EYS: variants seen among roughly 807,000 people sequenced by gnomAD.
EYS encodes the protein protein eyes shut homolog.
A neutral mutation model predicts 282.1 loss-of-function variants in EYS; 250 were observed. That is an observed-to-expected ratio of 0.89 (90% CI 0.80 to 0.98). The LOEUF is 0.98. Ranked by LOEUF, EYS falls within the 50% of genes least tolerant of loss-of-function variation. EYS has a pLI of 0.00. For synonymous variants in EYS, 1,355 were observed against 1,282.9 expected (o/e 1.06, Z -1.20); for missense variants, 4,016 against 3,709.0 (o/e 1.08, Z -2.15).
chr6:64,384,964 G>A (rs1277882781), intron 29 of EYS, among the ~76,000 whole-genome samples: 2 of 152,168 alleles, frequency 1.3e-5, no homozygotes, highest in Non-Finnish European at 2.9e-5. Flanking sequence ...ACTTAGGGGT[G>A]AGAGCATAAA....
At chr6:64,490,417 T>C (rs1420536448) in intron 26 of EYS, among the ~76,000 whole-genome samples, 1 of 150,966 alleles carries the variant, frequency 6.6e-6, no homozygotes, top group East Asian at 1.9e-4. Context: ...GTCATACAAA[T>C]CAATATTTTA....
At chr6:63,955,118 A>G (rs1004882357) in intron 35 of EYS, among the ~76,000 whole-genome samples, 15 of 152,168 alleles carry the variant, frequency 9.9e-5, no homozygotes, top group African/African-American at 3.1e-4. Context: ...GGCCTTTCCC[A>G]CAGGGTCTGA....
intron 2 of EYS, among the ~76,000 whole-genome samples, chr6:65,537,279 T>C (rs62407707): frequency 0.053 from 8,094 of 152,180 alleles, 303 homozygotes; most frequent in East Asian, 0.15. Flanking sequence ...CAAACCAACA[T>C]GGCACATGTA....
At chr6:65,456,788 G>T (rs1262795359) in intron 5 of EYS, among the ~76,000 whole-genome samples, 1 of 151,618 alleles carries the variant, frequency 6.6e-6, no homozygotes, top group Non-Finnish European at 1.5e-5. Context: ...TTTCTATTCA[G>T]CATAGTACTG....
At chr6:64,176,696 C>T (rs533175124) in intron 31 of EYS, among the ~76,000 whole-genome samples, 40 of 152,112 alleles carry the variant, frequency 2.6e-4, no homozygotes, top group African/African-American at 9.4e-4. Flanking sequence ...ATGTCGGTGC[C>T]TTTAAATATG....
At chr6:65,334,390 T>C (rs1191652677) in intron 11 of EYS, among the ~76,000 whole-genome samples, 3 of 151,702 alleles carry the variant, frequency 2.0e-5, no homozygotes, top group Non-Finnish European at 2.9e-5. Context: ...GCCTCCCAAG[T>C]AGCTAGGGCT....
chr6:65,345,129 T>G (rs755422643), intron 9 of EYS, among the ~76,000 whole-genome samples: 5 of 151,656 alleles, frequency 3.3e-5, no homozygotes, highest in Non-Finnish European at 7.4e-5. Flanking sequence ...CCAAGAAATC[T>G]CACATATTAC....
rs886061678 is a variant in EYS, at chr6:64,593,304, G to A, written c.3690C>T (p.Cys1230=). Residue 1230 remains cysteine, a synonymous_variant, in exon 25 of 43, where the codon TGC becomes TGT. Transcript: ENST00000503581. The part of the protein sequence containing the change: ...TCLCTPGFMT[C]SIGLLCGDEI... Reference sequence around the variant, plus strand: ...CATCACCACAAAGAAGCCCAATGGAGCAGGTCTGCAAATGACAATTACAGT... The same window carrying A: ...CATCACCACAAAGAAGCCCAATGGAACAGGTCTGCAAATGACAATTACAGT... 6.5e-7 allele frequency: 1 copy of A among 1,548,010 alleles called. No individual in the cohort carries two copies. The highest frequency in any genetic ancestry group is 8.7e-7 in the Non-Finnish European group (1 of 1,144,968).
At chr6:64,212,464 A>G (rs1389534694) in intron 31 of EYS, among the ~76,000 whole-genome samples, 1 of 152,122 alleles carries the variant, frequency 6.6e-6, no homozygotes, top group African/African-American at 2.4e-5. Flanking sequence ...TATTAAAAAT[A>G]CACTTGTATT....
intron 2 of EYS, among the ~76,000 whole-genome samples, chr6:65,623,407 T>C (rs1766590847): frequency 6.6e-6 from 1 of 152,214 alleles, no homozygotes; most frequent in Non-Finnish European, 1.5e-5. Flanking sequence ...TACATTAAAA[T>C]TTAATGCAGA....
intron 31 of EYS, among the ~76,000 whole-genome samples, chr6:64,165,653 A>G (rs1053751258): frequency 1.3e-5 from 2 of 152,140 alleles, no homozygotes; most frequent in African/African-American, 4.8e-5. Flanking sequence ...GGCTTTCACA[A>G]GTATTGGCAA....
rs377505563 is a variant in EYS at position 65,388,742 on chromosome 6, T to C, written c.1185-4242A>G. On this transcript the variant is annotated intron_variant, in intron 7 of 42. Transcript: ENST00000503581. ...ATGCACGGGAACCCCCTGAATGGCA[T>C]TGGCAGAGGAATAACATGATTTTAA... Among the ~76,000 whole-genome samples the C allele has an allele frequency of 3.9e-4, 60 of 152,176 alleles. 1 individual carries two copies. The highest frequency in any genetic ancestry group is 1.4e-3 in the African/African-American group (58 of 41,552).
rs1582153415 is a variant in EYS at position 65,335,015 on chromosome 6, A to G, written c.1731T>C (p.His577=). The G allele has an allele frequency of 6.2e-7, 1 of 1,610,864 alleles. No individual in the cohort carries two copies. The highest frequency in any genetic ancestry group is 8.5e-7 in the Non-Finnish European group (1 of 1,177,978). The change falls in exon 11 of 43, where the codon CAT becomes CAC. Residue 577 remains histidine (H), a synonymous_variant. Transcript: ENST00000503581. ...TTDDQENECQ[H]EAVCKDEINR... The stretch of plus-strand genomic sequence containing the variant: ...TAATTTCATCTTTACAAACAGCTTC[A>G]TGTTGACACTCATTTTCTTGATCAT...
At chr6:65,368,187 C>T (rs1361734339) in intron 8 of EYS, among the ~76,000 whole-genome samples, 1 of 151,530 alleles carries the variant, frequency 6.6e-6, no homozygotes, top group East Asian at 1.9e-4. Flanking sequence ...GGTAACCGCC[C>T]CCATGATTCA....
At chr6:63,844,336 A>G (rs1462162312) in intron 36 of EYS, among the ~76,000 whole-genome samples, 1 of 152,176 alleles carries the variant, frequency 6.6e-6, no homozygotes, top group Non-Finnish European at 1.5e-5. Flanking sequence ...GCATCTTTAT[A>G]ATAGAATCAT....
intron 31 of EYS, among the ~76,000 whole-genome samples, chr6:64,192,194 A>T (rs1239205487): frequency 9.5e-5 from 14 of 146,806 alleles, no homozygotes; most frequent in African/African-American, 2.8e-4. Context: ...TTTTCTTGTA[A>T]ATTTGTTTGA....
At chr6:65,065,384 A>G (rs1047287061) in intron 12 of EYS, among the ~76,000 whole-genome samples, 8 of 143,020 alleles carry the variant, frequency 5.6e-5, no homozygotes, top group Admixed American at 2.1e-4. Flanking sequence ...GAAAAAAACA[A>G]TTTTTTTTTT....
intron 22 of EYS, among the ~76,000 whole-genome samples, chr6:64,699,047 C>A (rs561027243): frequency 5.3e-5 from 8 of 152,168 alleles, no homozygotes; most frequent in Non-Finnish European, 8.8e-5. Flanking sequence ...CAGCTCTATT[C>A]ACAAAAGCAA....
At chr6:64,796,456 G>A (rs932144784) in intron 22 of EYS, among the ~76,000 whole-genome samples, 5 of 152,266 alleles carry the variant, frequency 3.3e-5, no homozygotes, top group East Asian at 3.9e-4. Flanking sequence ...AGGAGTAGGA[G>A]ACAGGAGTTA....
Sources: gnomAD v4.1 joint callset for allele counts (sites outside exome capture counted in the v4.1 genomes callset) on GRCh38, gnomAD v4.1.1 for gene constraint, MANE v1.5 for transcripts, NCBI Gene and HGNC (gene_info 2026-07-23, HGNC 2026-07-21) for gene names.